METTL25: variants seen among roughly 807,000 people sequenced by gnomAD.
METTL25 encodes methyltransferase like 25.
Under a neutral mutation model 71.6 loss-of-function variants are expected in METTL25, and 64 were observed. The observed-to-expected ratio is 0.89, with a 90% CI of 0.73 to 1.10. The LOEUF is 1.10. Among genes scored for constraint, METTL25 ranks in the 50% least tolerant of loss-of-function variants. The probability of loss-of-function intolerance (pLI) is 0.00; values close to 1 mark genes in which losing one functional copy is unlikely to be tolerated. For missense variants in METTL25, 807 were observed against 707.0 expected (o/e 1.14, Z -1.60); for synonymous variants, 287 against 250.3 (o/e 1.15, Z -1.38).
intron 5 of METTL25, chr12:82,408,050 G>T: frequency 3.6e-6 from 2 of 553,770 alleles, no homozygotes; most frequent in Non-Finnish European, 4.6e-6. Context: ...GCCTGGACCT[G>T]CCTCTTACCT....
chr12:82,395,098 G>T (rs1319124125), intron 3 of METTL25, among the ~76,000 whole-genome samples: 1 of 151,922 alleles, frequency 6.6e-6, no homozygotes, highest in Non-Finnish European at 1.5e-5. Context: ...GGAGCCACTG[G>T]ATCATTCTTT....
chr12:82,425,557 C>T lies in METTL25; in HGVS notation c.1280-5336C>T, dbSNP rs1888945527. Among the ~76,000 whole-genome samples, 3 of 152,002 alleles carry T rather than the reference C, an allele frequency of 2.0e-5. 1 individual carries two copies. The highest frequency in any genetic ancestry group is 4.4e-5 in the Non-Finnish European group (3 of 67,978). On this transcript the variant is annotated intron_variant, in intron 5 of 11. Transcript: ENST00000248306. ...CGGAAATCTACAGTATTTTTTAACC[C>T]ATTGTGTTTGTTCTCAGAGATTACG...
intron 5 of METTL25, among the ~76,000 whole-genome samples, chr12:82,418,074 G>A (rs1888144409): frequency 6.6e-6 from 1 of 152,138 alleles, no homozygotes; most frequent in Non-Finnish European, 1.5e-5. Context: ...GGTGGCGATA[G>A]TGCAGATCAG....
At chr12:82,417,630 G>A (rs1888100704) in intron 5 of METTL25, among the ~76,000 whole-genome samples, 1 of 152,054 alleles carries the variant, frequency 6.6e-6, no homozygotes, top group African/African-American at 2.4e-5. Context: ...TATTTATTGA[G>A]TGTCTACAAT....
chr12:82,400,953 A>G lies in METTL25; in HGVS notation c.1131+1559A>G, dbSNP rs150165044. 2.6e-3 allele frequency among the ~76,000 whole-genome samples: 398 copies of G among 152,262 alleles called. 1 individual carries two copies. The highest frequency in any genetic ancestry group is 4.7e-3 in the Non-Finnish European group (321 of 67,984). On this transcript the variant is annotated intron_variant, in intron 4 of 11. Coordinates refer to ENST00000248306, the MANE Select transcript of METTL25 (RefSeq NM_032230.3). ...GGAGAGCTAAATTAAGCTTAAAGAG[A>G]GAAATTCGTAGCTTTATTACTCTGT...
intron 1 of METTL25, among the ~76,000 whole-genome samples, chr12:82,377,924 G>T (rs563677233): frequency 1.1e-3 from 175 of 152,256 alleles, no homozygotes; most frequent in Non-Finnish European, 2.0e-3. Context: ...TAGACATCAG[G>T]ATAAGAACTG....
At chr12:82,400,451 A>G (rs1040409591) in intron 4 of METTL25, among the ~76,000 whole-genome samples, 1 of 151,814 alleles carries the variant, frequency 6.6e-6, no homozygotes, top group African/African-American at 2.4e-5. Flanking sequence ...TAAATGGGAA[A>G]TTTTTCTTTT....
chr12:82,406,997 A>G (rs1159337896), intron 5 of METTL25, among the ~76,000 whole-genome samples: 1 of 151,040 alleles, frequency 6.6e-6, no homozygotes, highest in Non-Finnish European at 1.5e-5. Context: ...CTTCTGTCTT[A>G]TTCTTGCTCA....
chr12:82,417,624 TA>T (rs1888099952), intron 5 of METTL25, among the ~76,000 whole-genome samples: 1 of 152,172 alleles, frequency 6.6e-6, no homozygotes, highest in Non-Finnish European at 1.5e-5. Flanking sequence ...CAAAAATATT[TA>T]TTGAGTGTCT....
intron 8 of METTL25, among the ~76,000 whole-genome samples, chr12:82,448,201 A>G (rs1890892595): frequency 6.6e-6 from 1 of 152,128 alleles, no homozygotes; most frequent in Non-Finnish European, 1.5e-5. Context: ...CTTGCTAGCT[A>G]AAATAAATCA....
intron 9 of METTL25, among the ~76,000 whole-genome samples, chr12:82,474,840 C>T (rs947119883): frequency 6.6e-6 from 1 of 152,074 alleles, no homozygotes; most frequent in Non-Finnish European, 1.5e-5. Flanking sequence ...AGAAACAAAA[C>T]TCTCTTTGAC....
chr12:82,424,799 A>C (rs1888864790), intron 5 of METTL25, among the ~76,000 whole-genome samples: 2 of 152,040 alleles, frequency 1.3e-5, no homozygotes, highest in African/African-American at 4.8e-5. Flanking sequence ...GAGAGTGCAC[A>C]CAGAGAGACA....
chr12:82,371,414 G>T (rs1266293335), intron 1 of METTL25, among the ~76,000 whole-genome samples: 2 of 152,296 alleles, frequency 1.3e-5, no homozygotes, highest in Middle Eastern at 3.4e-3. Context: ...GGGGCGGCTT[G>T]TTTCTCGTTG....
chr12:82,410,247 G>A (rs574369191), intron 5 of METTL25, among the ~76,000 whole-genome samples: 1 of 152,144 alleles, frequency 6.6e-6, no homozygotes, highest in East Asian at 1.9e-4. Flanking sequence ...GTTAATATCA[G>A]CACTAAATCA....
At chr12:82,391,106 A>T (rs1885532058) in intron 3 of METTL25, among the ~76,000 whole-genome samples, 1 of 152,146 alleles carries the variant, frequency 6.6e-6, no homozygotes, top group African/African-American at 2.4e-5. Context: ...AGCTGGATAC[A>T]GGTTCTGTAC....
At chr12:82,408,428 T>TG (rs1887275140) in intron 5 of METTL25, among the ~76,000 whole-genome samples, 1 of 151,940 alleles carries the variant, frequency 6.6e-6, no homozygotes, top group Non-Finnish European at 1.5e-5. Context: ...AAAACACAGA[T>TG]GCAAGAGGGC....
chr12:82,388,453 A>T (rs895428003), intron 2 of METTL25, among the ~76,000 whole-genome samples: 8 of 151,976 alleles, frequency 5.3e-5, no homozygotes, highest in Non-Finnish European at 4.4e-5. Flanking sequence ...CAACGTTACT[A>T]TGGGGGCTGT....
chr12:82,476,807 A>G lies in METTL25; in HGVS notation c.1647+89A>G. 6 of 796,914 alleles carry G rather than the reference A, an allele frequency of 7.5e-6. No individual in the cohort carries two copies. The Admixed American group carries it at 8.3e-5, about 11-fold the overall frequency. 49.4% of individuals were successfully genotyped at this position (796,914 alleles called of 1,614,324 possible). A position where few individuals can be genotyped will look rare whatever the true frequency, so the allele number is the denominator to read the frequency against. ...AATTTTATTATGGGCTAAGCAATCTATGTTGTTTTTCTCTTACTGTAGAAA... is the reference window on the plus strand; with the variant it reads ...AATTTTATTATGGGCTAAGCAATCTGTGTTGTTTTTCTCTTACTGTAGAAA... On this transcript the variant is annotated intron_variant, in intron 10 of 11. Coordinates refer to ENST00000248306, the MANE Select transcript of METTL25 (RefSeq NM_032230.3).
intron 1 of METTL25, among the ~76,000 whole-genome samples, chr12:82,376,737 G>A (rs1199114948): frequency 1.3e-5 from 2 of 152,192 alleles, no homozygotes; most frequent in African/African-American, 4.8e-5. Flanking sequence ...AAATGTGGAA[G>A]CATAATCTTA....
Sources: gnomAD v4.1 joint callset for allele counts (sites outside exome capture counted in the v4.1 genomes callset) on GRCh38, gnomAD v4.1.1 for gene constraint, MANE v1.5 for transcripts, NCBI Gene and HGNC (gene_info 2026-07-23, HGNC 2026-07-21) for gene names.